Variants in WDR70 observed in about 807,000 individuals in gnomAD.
WDR70 encodes the protein WD repeat-containing protein 70.
In WDR70, 53 loss-of-function variants were observed where a neutral mutation model predicts 88.6. The observed-to-expected ratio is 0.60, with a 90% CI of 0.48 to 0.75. The LOEUF (loss-of-function observed/expected upper bound fraction) is 0.75, where lower values mean the gene tolerates loss of function less well. Ranked by LOEUF, WDR70 falls within the 30% of genes least tolerant of loss-of-function variation. The probability of loss-of-function intolerance (pLI) is 0.00; values close to 1 mark genes in which losing one functional copy is unlikely to be tolerated. For missense variants in WDR70, 610 were observed against 823.2 expected, an observed-to-expected ratio of 0.74 and a Z score of 3.17; for synonymous variants, 280 against 270.0, an observed-to-expected ratio of 1.04 and a Z score of -0.36.
chr5:37,522,740 G>A (rs924843161), intron 9 of WDR70, among the ~76,000 whole-genome samples: 1 of 152,208 alleles, frequency 6.6e-6, no homozygotes. Context: ...TCCAAGGGAA[G>A]CTGTGACAGA....
intron 10 of WDR70, among the ~76,000 whole-genome samples, chr5:37,629,161 G>A (rs1439123734): frequency 6.6e-6 from 1 of 152,140 alleles, no homozygotes; most frequent in African/African-American, 2.4e-5. Context: ...GCCTAATGGA[G>A]ATTCCCTTAT....
intron 10 of WDR70, among the ~76,000 whole-genome samples, chr5:37,642,156 C>T (rs1305272485): frequency 6.6e-6 from 1 of 152,064 alleles, no homozygotes. Context: ...GGTGATGATT[C>T]ATTTCACATT....
chr5:37,710,752 C>T (rs1747487769), intron 13 of WDR70, among the ~76,000 whole-genome samples: 1 of 151,820 alleles, frequency 6.6e-6, no homozygotes. Flanking sequence ...GGACTGATCC[C>T]GTCTTTATTT....
chr5:37,732,786 C>T (rs916194098), intron 17 of WDR70, among the ~76,000 whole-genome samples: 2 of 151,896 alleles, frequency 1.3e-5, no homozygotes, highest in Non-Finnish European at 2.9e-5. Context: ...CCCAGTTAAT[C>T]GTTTTTTATT....
intron 9 of WDR70, among the ~76,000 whole-genome samples, chr5:37,566,761 G>A (rs77901918): frequency 0.048 from 7,360 of 152,206 alleles, 577 homozygotes; most frequent in African/African-American, 0.16. Context: ...GCCTGGTTTT[G>A]CCTCGTTTAA....
chr5:37,407,087 G>A (rs538374953), intron 5 of WDR70, among the ~76,000 whole-genome samples: 1 of 152,310 alleles, frequency 6.6e-6, no homozygotes, highest in Admixed American at 6.5e-5. Flanking sequence ...TAGTCCAGGA[G>A]TTTGAGATTG....
intron 5 of WDR70, among the ~76,000 whole-genome samples, chr5:37,403,538 G>C (rs1391899424): frequency 6.6e-6 from 1 of 152,118 alleles, no homozygotes; most frequent in Non-Finnish European, 1.5e-5. Context: ...GGCGATTTCT[G>C]AATCCAATTT....
chr5:37,484,464 A>T (rs1739792189), intron 8 of WDR70, among the ~76,000 whole-genome samples: 1 of 152,152 alleles, frequency 6.6e-6, no homozygotes, highest in Non-Finnish European at 1.5e-5. Flanking sequence ...CTGAGGCAGG[A>T]GAATCAGGCA....
chr5:37,643,183 G>A (rs1218930563), intron 10 of WDR70, among the ~76,000 whole-genome samples: 1 of 152,016 alleles, frequency 6.6e-6, no homozygotes, highest in Non-Finnish European at 1.5e-5. Flanking sequence ...ATGGGGTCTA[G>A]TTTCATTCTT....
At chr5:37,419,285 C>A (rs1168703558) in intron 5 of WDR70, among the ~76,000 whole-genome samples, 2 of 150,666 alleles carry the variant, frequency 1.3e-5, no homozygotes, top group Non-Finnish European at 3.0e-5. Flanking sequence ...TGGCTCGCTG[C>A]AACTTCCGTC....
intron 8 of WDR70, among the ~76,000 whole-genome samples, chr5:37,514,575 G>A (rs543431795): frequency 7.3e-4 from 110 of 151,400 alleles, no homozygotes; most frequent in African/African-American, 1.0e-3. Flanking sequence ...GCCCCAGTTC[G>A]TGCTGTTCCC....
chr5:37,392,577 G>C (rs1748870368), intron 4 of WDR70, among the ~76,000 whole-genome samples: 1 of 152,104 alleles, frequency 6.6e-6, no homozygotes, highest in South Asian at 2.1e-4. Context: ...TCAAACTCCT[G>C]ACATGATCTG....
At chr5:37,439,426 A>G (rs1213229366) in intron 6 of WDR70, among the ~76,000 whole-genome samples, 3 of 152,108 alleles carry the variant, frequency 2.0e-5, no homozygotes, top group African/African-American at 7.2e-5. Flanking sequence ...TGAGTATTTA[A>G]AAGGAAGCTT....
chr5:37,521,554 G>T (rs1312875890), intron 9 of WDR70, among the ~76,000 whole-genome samples: 1 of 152,112 alleles, frequency 6.6e-6, no homozygotes, highest in Non-Finnish European at 1.5e-5. Flanking sequence ...TGTTCTCATT[G>T]CTTAGCTCCC....
At chr5:37,649,984 G>A (rs1330366577) in intron 10 of WDR70, among the ~76,000 whole-genome samples, 8 of 105,966 alleles carry the variant, frequency 7.5e-5, no homozygotes, top group Non-Finnish European at 1.1e-4. Context: ...TGATCCACCC[G>A]CCTCTGCCTC....
chr5:37,455,104 C>T (rs1190694118), intron 7 of WDR70, among the ~76,000 whole-genome samples: 1 of 152,202 alleles, frequency 6.6e-6, no homozygotes, highest in Non-Finnish European at 1.5e-5. Context: ...TCTCAGTGCA[C>T]AGATTCTTAA....
At chr5:37,506,206 G>A in intron 8 of WDR70, 1 of 980,772 alleles carries the variant, frequency 1.0e-6, no homozygotes, top group Non-Finnish European at 1.7e-6. Flanking sequence ...TGGTATCACA[G>A]TTCTGACTTG....
At position 37,694,840 on chromosome 5, in the gene WDR70, T is replaced by TATAATAATAATA. The variant is rs34298664; in HGVS notation, c.1093-2801_1093-2790dup. On this transcript the variant is annotated intron_variant, in intron 10 of 17. Coordinates refer to ENST00000265107, the MANE Select transcript of WDR70 (RefSeq NM_018034.4). ...TGCACATGTACCCTATAACTTAAAG[T>TATAATAATAATA]ATAATAATAATAATAATAATAATAA... is the stretch of plus-strand genomic sequence containing the variant. Among the ~76,000 whole-genome samples the TATAATAATAATA allele has an allele frequency of 2.5e-3, 367 of 149,780 alleles. 1 individual carries two copies. The highest frequency in any genetic ancestry group is 7.4e-3 in the African/African-American group (301 of 40,594).
At chr5:37,720,551 C>G (rs983156584) in intron 13 of WDR70, among the ~76,000 whole-genome samples, 2 of 152,150 alleles carry the variant, frequency 1.3e-5, no homozygotes. Context: ...AATGTCAAGT[C>G]TTTGTATTCT....
Sources: gnomAD v4.1 joint callset for allele counts (sites outside exome capture counted in the v4.1 genomes callset) on GRCh38, gnomAD v4.1.1 for gene constraint, MANE v1.5 for transcripts, NCBI Gene and HGNC (gene_info 2026-07-23, HGNC 2026-07-21) for gene names.